EFR3B: variants seen among roughly 807,000 people sequenced by gnomAD.
EFR3B encodes the protein EFR3 homolog B, also known as protein EFR3 homolog B.
EFR3B carries 64 observed loss-of-function variants against 104.7 expected under a neutral mutation model. That is an observed-to-expected ratio of 0.61 (90% CI 0.50 to 0.75). EFR3B has a LOEUF of 0.75. Ranked by LOEUF, EFR3B falls within the 30% of genes least tolerant of loss-of-function variation. EFR3B has a pLI of 0.00. For synonymous variants in EFR3B, 385 were observed against 417.9 expected (o/e 0.92, Z 0.96); for missense variants, 750 against 1,078.5 (o/e 0.70, Z 4.27).
At chr2:25,118,215 A>G (rs1030290863) in intron 4 of EFR3B, among the ~76,000 whole-genome samples, 2 of 152,182 alleles carry the variant, frequency 1.3e-5, no homozygotes, top group Admixed American at 1.3e-4. Flanking sequence ...TCCTGACCTC[A>G]AGTGATCTGC....
At chr2:25,109,920 T>G (rs1450375169) in intron 4 of EFR3B, among the ~76,000 whole-genome samples, 1 of 152,196 alleles carries the variant, frequency 6.6e-6, no homozygotes, top group Non-Finnish European at 1.5e-5. Flanking sequence ...CACACAGGCA[T>G]TTTTGCTTTT....
intron 1 of EFR3B, among the ~76,000 whole-genome samples, chr2:25,059,768 G>A (rs188334659): frequency 6.6e-5 from 10 of 151,648 alleles, no homozygotes; most frequent in Admixed American, 2.6e-4. Flanking sequence ...CCAGCTACTC[G>A]GGAGGCCGAG....
intron 20 of EFR3B, among the ~76,000 whole-genome samples, chr2:25,151,692 C>T (rs1671014180): frequency 6.6e-6 from 1 of 152,222 alleles, no homozygotes; most frequent in Non-Finnish European, 1.5e-5. Flanking sequence ...ACATAGTTCT[C>T]AAATTCTTAC....
intron 15 of EFR3B, among the ~76,000 whole-genome samples, chr2:25,138,301 G>A (rs1029248006): frequency 4.6e-5 from 7 of 152,216 alleles, no homozygotes; most frequent in African/African-American, 1.7e-4. Context: ...TGGAAGCCTG[G>A]GGACCTGTCT....
At chr2:25,069,638 C>G (rs1668436299) in intron 1 of EFR3B, among the ~76,000 whole-genome samples, 1 of 152,178 alleles carries the variant, frequency 6.6e-6, no homozygotes, top group African/African-American at 2.4e-5. Flanking sequence ...CGTGTTTATA[C>G]CACTTTTAAT....
chr2:25,050,720 C>T (rs918847175), intron 1 of EFR3B, among the ~76,000 whole-genome samples: 1 of 152,004 alleles, frequency 6.6e-6, no homozygotes, highest in South Asian at 2.1e-4. Flanking sequence ...TATAAGCAGG[C>T]CATGTTGCAA....
In EFR3B at chr2:25,156,289, T is replaced by A. The variant is rs1671166033; in HGVS notation, c.*1949T>A. On this transcript the variant is annotated 3_prime_UTR_variant, in exon 23 of 23. Coordinates refer to ENST00000403714, the MANE Select transcript of EFR3B (RefSeq NM_014971.2). ...CTGTGGGCACACAGCTTCTTTTTCT[T>A]GTTTTTTTTTTTTTTTTTTTTTTTT... 1 of 137,354 alleles carries A rather than the reference T, an allele frequency of 7.3e-6. No homozygotes were observed. The highest frequency in any genetic ancestry group is 2.3e-4 in the South Asian group (1 of 4,298). 8.5% of individuals were successfully genotyped at this position (137,354 alleles called of 1,614,324 possible).
chr2:25,077,510 T>G (rs1668669832), intron 1 of EFR3B, among the ~76,000 whole-genome samples: 1 of 152,162 alleles, frequency 6.6e-6, no homozygotes, highest in South Asian at 2.1e-4. Flanking sequence ...AGGCTAGTCT[T>G]GAACTCCTGA....
chr2:25,057,783 C>CA (rs11378748), intron 1 of EFR3B, among the ~76,000 whole-genome samples: 118,954 of 138,712 alleles, frequency 0.86, 50,684 homozygotes, highest in Middle Eastern at 0.94. Context: ...AAAACTCCGT[C>CA]AAAAAAAAAA....
In EFR3B at chr2:25,107,809, C is replaced by CT. The variant is rs34350239; in HGVS notation, c.363+4036dup. On this transcript the variant is annotated intron_variant, in intron 4 of 22. Coordinates refer to ENST00000403714, the MANE Select transcript of EFR3B (RefSeq NM_014971.2). The stretch of plus-strand genomic sequence containing the variant: ...GTACAACTTTAAAAATTTAAGTGAG[C>CT]TTTTTTTTTTTTTTACTTCTTGTTC... 0.023 allele frequency among the ~76,000 whole-genome samples: 3,227 copies of CT among 142,752 alleles called. 233 individuals are homozygous for CT. The East Asian group carries it at 0.27, about 12-fold the overall frequency. The allele number at this position is 142,752 out of a possible 152,430, so 93.7% of individuals were successfully genotyped here.
At position 25,042,718 on chromosome 2, in the gene EFR3B, G is replaced by A. The variant is rs1667605105; in HGVS notation, c.7+399G>A. 1 of 993,488 alleles carries A rather than the reference G, an allele frequency of 1.0e-6. No individual in the cohort carries two copies. Among genetic ancestry groups the A allele is most frequent in the South Asian group, 4.7e-5 (1 of 21,300 alleles). The allele number at this position is 993,488 out of a possible 1,614,324, so 61.5% of individuals were successfully genotyped here. On this transcript the variant is annotated intron_variant, in intron 1 of 22. Transcript: ENST00000403714. This position sits in a 1 kb window ranked among gnomAD's most constrained non-coding sequence, Gnocchi z 5.4. Reference sequence around the variant, plus strand: ...AAGCCGGTCCAGGGCTGAGGGAGACGCCCGCGGCCGGTCGTCTGCGCGGCT... The same window carrying A: ...AAGCCGGTCCAGGGCTGAGGGAGACACCCGCGGCCGGTCGTCTGCGCGGCT...
In EFR3B at chr2:25,080,504, A is replaced by G. The variant is rs187820124; in HGVS notation, c.8-10821A>G. The G allele has an allele frequency of 4.2e-3, 2,021 of 481,594 alleles. 9 individuals carry two copies. The highest frequency in any genetic ancestry group is 0.014 in the Middle Eastern group (25 of 1,798). 29.8% of individuals were successfully genotyped at this position (481,594 alleles called of 1,614,324 possible). A position where few individuals can be genotyped will look rare whatever the true frequency, so the allele number is the denominator to read the frequency against. The stretch of plus-strand genomic sequence containing the variant: ...GAGACGGGGTTTCACCGTGTTGGCC[A>G]GACTGTTCTTGACCTCCTGACCTCA... On this transcript the variant is annotated intron_variant, in intron 1 of 22. Transcript: ENST00000403714.
intron 1 of EFR3B, among the ~76,000 whole-genome samples, chr2:25,083,107 C>T (rs762814057): frequency 2.7e-4 from 41 of 152,308 alleles, no homozygotes; most frequent in Admixed American, 5.2e-4. Flanking sequence ...GGCAGTGCAG[C>T]TACATACTAG....
At chr2:25,081,284 AC>A in intron 1 of EFR3B, 1 of 1,030,480 alleles carries the variant, frequency 9.7e-7, no homozygotes, top group Non-Finnish European at 1.5e-6. Flanking sequence ...CTTTTCCTCG[AC>A]CATCAGCTGA....
rs142275657 is a variant in EFR3B, at chr2:25,153,695, CGT to C, written c.2299-12_2299-11del. 27,767 of 1,551,604 alleles carry C rather than the reference CGT, an allele frequency of 0.018. 2,386 individuals carry two copies. The East Asian group carries it at 0.3, about 17-fold the overall frequency. The stretch of plus-strand genomic sequence containing the variant: ...CCCCCCACCCCTGCCAGCTCACTTC[CGT>C]GTGTTTGTGTCTAGGCATCGCTGCT... On this transcript the variant is annotated splice_polypyrimidine_tract_variant and intron_variant, in intron 21 of 22. Transcript: ENST00000403714.
At chr2:25,074,656 C>T (rs1668587840) in intron 1 of EFR3B, among the ~76,000 whole-genome samples, 2 of 149,382 alleles carry the variant, frequency 1.3e-5, no homozygotes. Context: ...TTTGCTGTGT[C>T]ACCCAGGCTG....
intron 5 of EFR3B, among the ~76,000 whole-genome samples, chr2:25,127,538 A>G: frequency 6.6e-6 from 1 of 152,314 alleles, no homozygotes; most frequent in Non-Finnish European, 1.5e-5. Context: ...GTATTATTTT[A>G]TAACCAGAAA....
Position 25,100,215 on chromosome 2 carries a change from T to A in EFR3B, c.213-3422T>A, listed in dbSNP as rs181662562. ...GCAAAACTCCGTCTCAAAAAAAAAA[T>A]TTTTTTTTAAATATCTGCCTAACAT... On this transcript the variant is annotated intron_variant, in intron 3 of 22. Transcript: ENST00000403714. Among the ~76,000 whole-genome samples, 896 of 151,466 alleles carry A rather than the reference T, an allele frequency of 5.9e-3. 10 individuals carry two copies. The highest frequency in any genetic ancestry group is 0.02 in the African/African-American group (828 of 41,268).
chr2:25,102,576 A>G (rs1035961667), intron 3 of EFR3B, among the ~76,000 whole-genome samples: 8 of 152,158 alleles, frequency 5.3e-5, no homozygotes, highest in Non-Finnish European at 8.8e-5. Flanking sequence ...TCACAAGAAC[A>G]GTATGGGGAA....
Sources: gnomAD v4.1 joint callset for allele counts (sites outside exome capture counted in the v4.1 genomes callset) on GRCh38, gnomAD v4.1.1 for gene constraint, Gnocchi (gnomAD v3.1) non-coding constraint, MANE v1.5 for transcripts, NCBI Gene and HGNC (gene_info 2026-07-23, HGNC 2026-07-21) for gene names.